The following CLSTN2 variants were observed in gnomAD, a reference collection of about 807,000 sequenced individuals.
CLSTN2 encodes the protein calsyntenin-2.
In CLSTN2, 48 loss-of-function variants were observed where a neutral mutation model predicts 101.2. The observed-to-expected ratio is 0.47, with a 90% confidence interval of 0.38 to 0.60. The LOEUF (loss-of-function observed/expected upper bound fraction) is 0.60, where lower values mean the gene tolerates loss of function less well. Ranked by LOEUF, CLSTN2 falls within the 20% of genes least tolerant of loss-of-function variation. The probability of loss-of-function intolerance (pLI) is 0.00; values close to 1 mark genes in which losing one functional copy is unlikely to be tolerated. For missense variants in CLSTN2, 1,160 were observed against 1,238.2 expected (o/e 0.94, Z 0.95); for synonymous variants, 481 against 463.6 (o/e 1.04, Z -0.48).
chr3:140,176,594 C>G (rs1329696387), intron 2 of CLSTN2, among the ~76,000 whole-genome samples: 3 of 152,234 alleles, frequency 2.0e-5, no homozygotes, highest in Non-Finnish European at 4.4e-5. Flanking sequence ...ATATTTCCCT[C>G]TTGTGGCTAG....
At chr3:140,347,101 C>T (rs2087555948) in intron 2 of CLSTN2, among the ~76,000 whole-genome samples, 2 of 152,146 alleles carry the variant, frequency 1.3e-5, no homozygotes, top group Admixed American at 6.5e-5. Flanking sequence ...GTTCTGTTTT[C>T]TCCTGAGAGT....
rs377616168 is a variant in CLSTN2 at position 140,426,303 on chromosome 3, G to A, written c.787+5029G>A. On this transcript the variant is annotated intron_variant, in intron 5 of 16. Transcript: ENST00000458420. ...CCTCCCTGCCACCTGACAGGCCCCA[G>A]TGTGTGATGTTCCCCTCCCTGTGTC... Among the ~76,000 whole-genome samples the A allele has an allele frequency of 9.9e-5, 15 of 152,158 alleles. No homozygotes were observed. The East Asian group carries it at 1.5e-3, about 16-fold the overall frequency.
intron 1 of CLSTN2, among the ~76,000 whole-genome samples, chr3:139,943,224 C>G (rs1474486939): frequency 6.6e-6 from 1 of 152,200 alleles, no homozygotes; most frequent in African/African-American, 2.4e-5. Context: ...CACAACCCAT[C>G]CTTCCTCATG....
chr3:140,570,050 T>A lies in CLSTN2; in HGVS notation c.*3797T>A, dbSNP rs1174812612. 6.6e-6 allele frequency: 1 copy of A among 152,210 alleles called. No individual in the cohort carries two copies. The highest frequency in any genetic ancestry group is 2.4e-5 in the African/African-American group (1 of 41,450). 9.4% of individuals were successfully genotyped at this position (152,210 alleles called of 1,614,324 possible). A position where few individuals can be genotyped will look rare whatever the true frequency, so the allele number is the denominator to read the frequency against. ...TTTAGACCAACATCTTTGCATTTAA[T>A]AAGGGCTCTACTTTGTATACATGGA... On this transcript the variant is annotated 3_prime_UTR_variant, in exon 17 of 17. Transcript: ENST00000458420.
At chr3:140,366,338 T>G (rs1013034546) in intron 2 of CLSTN2, among the ~76,000 whole-genome samples, 1 of 152,218 alleles carries the variant, frequency 6.6e-6, no homozygotes, top group Non-Finnish European at 1.5e-5. Flanking sequence ...GCAATCAGTC[T>G]GATTATTTGT....
At chr3:140,391,404 GT>G (rs1263560136) in intron 2 of CLSTN2, among the ~76,000 whole-genome samples, 2 of 151,930 alleles carry the variant, frequency 1.3e-5, no homozygotes, top group Non-Finnish European at 2.9e-5. Flanking sequence ...ATTTTTCCAG[GT>G]TTGTGATGTT....
chr3:140,028,242 T>G (rs958928298), intron 1 of CLSTN2, among the ~76,000 whole-genome samples: 3 of 152,150 alleles, frequency 2.0e-5, no homozygotes, highest in Non-Finnish European at 4.4e-5. Context: ...GTCTCAAGGT[T>G]GTGCTGTCCA....
chr3:140,490,078 G>A (rs1343875955), intron 8 of CLSTN2, among the ~76,000 whole-genome samples: 3,158 of 4,338 alleles, frequency 0.73, 1,089 homozygotes, highest in East Asian at 0.79. Context: ...GTGTGTGTGT[G>A]TGTGTGTGTG....
intron 1 of CLSTN2, among the ~76,000 whole-genome samples, chr3:139,958,675 T>C (rs1935451147): frequency 1.3e-5 from 2 of 151,690 alleles, no homozygotes; most frequent in African/African-American, 4.8e-5. Flanking sequence ...TGTGATTCTG[T>C]AGACTCGGGA....
rs1306720315 is a variant in CLSTN2 at position 140,014,985 on chromosome 3, C to T, written c.109+79502C>T. Among the ~76,000 whole-genome samples, 3 of 152,320 alleles carry T rather than the reference C, an allele frequency of 2.0e-5. 1 individual carries two copies. In the South Asian group the frequency reaches 6.2e-4, roughly 32 times the overall value. On this transcript the variant is annotated intron_variant, in intron 1 of 16. Coordinates refer to ENST00000458420, the MANE Select transcript of CLSTN2 (RefSeq NM_022131.3). ...CCTGCTGCAGTTTCACAGATGCTAG[C>T]AGAGACACGGGGCTCCTGGTCAGAG... is the stretch of plus-strand genomic sequence containing the variant.
intron 8 of CLSTN2, among the ~76,000 whole-genome samples, chr3:140,491,384 T>A (rs1348949952): frequency 6.6e-6 from 1 of 152,244 alleles, no homozygotes; most frequent in East Asian, 1.9e-4. Context: ...GATATTGATA[T>A]ACCAGCAATG....
chr3:140,472,920 G>T (rs967596159), intron 8 of CLSTN2, among the ~76,000 whole-genome samples: 1 of 152,070 alleles, frequency 6.6e-6, no homozygotes, highest in African/African-American at 2.4e-5. Context: ...TCATATTCTA[G>T]TCCCTCTCCC....
rs373628612 is a variant in CLSTN2, at chr3:140,195,105, T to G, written c.232+19032T>G. On this transcript the variant is annotated intron_variant, in intron 2 of 16. Transcript: ENST00000458420. ...CATTACAGCCCCATGAGTGTGGATG[T>G]CTAGGCTTTCTACTTACTCTTTGCT... 5.9e-5 allele frequency among the ~76,000 whole-genome samples: 9 copies of G among 152,320 alleles called. No homozygotes were observed. In the East Asian group the frequency reaches 1.4e-3, roughly 23 times the overall value.
intron 8 of CLSTN2, among the ~76,000 whole-genome samples, chr3:140,506,418 G>C (rs902787272): frequency 6.6e-6 from 1 of 152,000 alleles, no homozygotes. Flanking sequence ...CCCTCCTTAT[G>C]ATGCTGCCCT....
intron 2 of CLSTN2, among the ~76,000 whole-genome samples, chr3:140,180,298 C>T (rs978770397): frequency 6.6e-6 from 1 of 152,188 alleles, no homozygotes; most frequent in African/African-American, 2.4e-5. Flanking sequence ...TCAGCACTTA[C>T]TCTAAGTTCT....
chr3:140,283,031 G>A (rs1210423857), intron 2 of CLSTN2, among the ~76,000 whole-genome samples: 1 of 152,112 alleles, frequency 6.6e-6, no homozygotes, highest in Non-Finnish European at 1.5e-5. Context: ...GCTGCTCATG[G>A]AGCTGGGAAT....
intron 1 of CLSTN2, among the ~76,000 whole-genome samples, chr3:140,045,159 C>T (rs1466860691): frequency 1.3e-5 from 2 of 152,230 alleles, no homozygotes; most frequent in East Asian, 3.9e-4. Context: ...CCGTCTGGTC[C>T]TGGACTTTTT....
chr3:140,405,061 T>C (rs776572975), intron 4 of CLSTN2, among the ~76,000 whole-genome samples: 1 of 152,142 alleles, frequency 6.6e-6, no homozygotes, highest in African/African-American at 2.4e-5. Flanking sequence ...GATTTCCTGG[T>C]CAAATTTTCC....
intron 6 of CLSTN2, among the ~76,000 whole-genome samples, chr3:140,455,564 T>C (rs1244847498): frequency 6.6e-6 from 1 of 152,004 alleles, no homozygotes; most frequent in Non-Finnish European, 1.5e-5. Flanking sequence ...CTGGTTTCAG[T>C]CCCCCAGCAC....
Sources: gnomAD v4.1 joint callset for allele counts (sites outside exome capture counted in the v4.1 genomes callset) on GRCh38, gnomAD v4.1.1 for gene constraint, MANE v1.5 for transcripts, NCBI Gene and HGNC (gene_info 2026-07-23, HGNC 2026-07-21) for gene names.